Variants in FAM76A observed in about 807,000 individuals in gnomAD.
FAM76A encodes the protein family with sequence similarity 76 member A.
In FAM76A, 32 loss-of-function variants were observed where a neutral mutation model predicts 46.2. That is an observed-to-expected ratio of 0.69 (90% CI 0.52 to 0.93). FAM76A has a LOEUF of 0.93. Among genes scored for constraint, FAM76A ranks in the 40% least tolerant of loss-of-function variants. The pLI, the probability that FAM76A is intolerant of heterozygous loss-of-function variation, is 0.00. For synonymous variants in FAM76A, 137 were observed against 127.0 expected, an observed-to-expected ratio of 1.08 and a Z score of -0.53; for missense variants, 274 against 361.5, an observed-to-expected ratio of 0.76 and a Z score of 1.96.
At chr1:27,738,217 C>T (rs376199641) in intron 4 of FAM76A, among the ~76,000 whole-genome samples, 27 of 152,016 alleles carry the variant, frequency 1.8e-4, no homozygotes, top group South Asian at 1.5e-3. Flanking sequence ...ATAGGCCAGG[C>T]GTAGTGGCTC....
At chr1:27,737,426 C>T (rs1461032021) in intron 4 of FAM76A, among the ~76,000 whole-genome samples, 1 of 152,128 alleles carries the variant, frequency 6.6e-6, no homozygotes, top group African/African-American at 2.4e-5. Flanking sequence ...TAAAATTATG[C>T]CTTAAATGCC....
Position 27,759,628 on chromosome 1 carries a change from G to A in FAM76A, c.837+1G>A, listed in dbSNP as rs145344355. The A allele has an allele frequency of 6.2e-7, 1 of 1,608,320 alleles. No homozygotes were observed. The highest frequency in any genetic ancestry group is 8.5e-7 in the Non-Finnish European group (1 of 1,175,464). ...CAAAGAAGTCACAGAACAACTGCAG[G>A]TGACTGACTCTGCTTATTTTATGTG... On this transcript the variant is annotated splice_donor_variant, in intron 8 of 8. Transcript: ENST00000373954. LOFTEE classifies it high-confidence loss of function.
At chr1:27,748,737 T>C (rs1557784274) in intron 5 of FAM76A, among the ~76,000 whole-genome samples, 1 of 152,072 alleles carries the variant, frequency 6.6e-6, no homozygotes. Context: ...TGCCTCAGCC[T>C]CCCAAAGTGC....
intron 6 of FAM76A, among the ~76,000 whole-genome samples, chr1:27,752,897 C>A (rs1027732237): frequency 2.0e-5 from 3 of 152,170 alleles, no homozygotes; most frequent in African/African-American, 7.2e-5. Flanking sequence ...CGGTGGCTCA[C>A]GCCTGTAATC....
At chr1:27,728,476 C>A (rs566441069) in intron 2 of FAM76A, among the ~76,000 whole-genome samples, 7 of 151,646 alleles carry the variant, frequency 4.6e-5, no homozygotes, top group African/African-American at 9.7e-5. Context: ...CCTCAGCCTA[C>A]CAAGTAACTG....
intron 5 of FAM76A, among the ~76,000 whole-genome samples, chr1:27,747,137 G>A (rs191556165): frequency 5.9e-5 from 9 of 152,278 alleles, no homozygotes; most frequent in Non-Finnish European, 8.8e-5. Flanking sequence ...ATTTAATTCA[G>A]TAGGACCTAG....
chr1:27,756,722 T>C (rs80065367), intron 7 of FAM76A, among the ~76,000 whole-genome samples: 4,339 of 152,194 alleles, frequency 0.029, 224 homozygotes, highest in East Asian at 0.25. Context: ...ACATTCTTAC[T>C]CTGATTCATG....
In FAM76A at chr1:27,759,875, C is replaced by G. The variant is rs76916586; in HGVS notation, c.837+248C>G. 3 of 553,734 alleles carry G rather than the reference C, an allele frequency of 5.4e-6. No individual in the cohort carries two copies. The East Asian group carries it at 1.3e-4, about 23-fold the overall frequency. 34.3% of individuals were successfully genotyped at this position (553,734 alleles called of 1,614,324 possible). A position where few individuals can be genotyped will look rare whatever the true frequency, so the allele number is the denominator to read the frequency against. ...CTCAACCTCCCAGGCTCAGGTGATC[C>G]TCCCACCTCACCCTTCCAAGTAGCG... On this transcript the variant is annotated intron_variant, in intron 8 of 8. Coordinates refer to ENST00000373954, the MANE Select transcript of FAM76A (RefSeq NM_152660.3).
intron 5 of FAM76A, among the ~76,000 whole-genome samples, chr1:27,748,026 G>T (rs1441525819): frequency 1.3e-5 from 2 of 151,594 alleles, no homozygotes; most frequent in Non-Finnish European, 2.9e-5. Flanking sequence ...TGGTAGATAA[G>T]TTGATCTTGA....
chr1:27,753,841 G>C (rs1430611269), intron 6 of FAM76A, among the ~76,000 whole-genome samples: 2 of 152,158 alleles, frequency 1.3e-5, no homozygotes, highest in Non-Finnish European at 2.9e-5. Flanking sequence ...GAGTATTCCA[G>C]TGTCTGCTTA....
rs1219801894 is a variant in FAM76A, at chr1:27,761,775, A to G, written c.*1194A>G. 6 of 152,116 alleles carry G rather than the reference A, an allele frequency of 3.9e-5. No individual in the cohort carries two copies. Among genetic ancestry groups the G allele is most frequent in the Admixed American group, 3.3e-4 (5 of 15,240 alleles). The allele number at this position is 152,116 out of a possible 1,614,324, so 9.4% of individuals were successfully genotyped here. Reference sequence around the variant, plus strand: ...TTAGGAGTTTGAGACCATCCTGGCCAACATGGTAAAACCCCATCTGTACTA... The same window carrying G: ...TTAGGAGTTTGAGACCATCCTGGCCGACATGGTAAAACCCCATCTGTACTA... On this transcript the variant is annotated 3_prime_UTR_variant, in exon 9 of 9. Transcript: ENST00000373954.
At chr1:27,749,210 A>T in intron 6 of FAM76A, 56 bp downstream of exon 6, 1 of 1,199,494 alleles carries the variant, frequency 8.3e-7, no homozygotes, top group Non-Finnish European at 1.2e-6. Context: ...ACAGTTCCTG[A>T]AACAGGAATA....
At position 27,744,791 on chromosome 1, in the gene FAM76A, T is replaced by C; in HGVS notation, c.492T>C (p.Ser164=). 1.9e-6 allele frequency: 3 copies of C among 1,614,038 alleles called. No homozygotes were observed. Among genetic ancestry groups the C allele is most frequent in the Non-Finnish European group, 2.5e-6 (3 of 1,179,982 alleles). The change falls in exon 5 of 9, where the codon AGT becomes AGC. Residue 164 remains serine, a synonymous_variant. Coordinates refer to ENST00000373954, the MANE Select transcript of FAM76A (RefSeq NM_152660.3). ...HQEKEQYSRL[S]GGGHYNSQKT... Reference sequence around the variant, plus strand: ...AGAAGGAGCAGTATAGTCGCCTGAGTGGTGGTGGCCATTATAACAGGTAAC... The same window carrying C: ...AGAAGGAGCAGTATAGTCGCCTGAGCGGTGGTGGCCATTATAACAGGTAAC...
At chr1:27,733,928 T>C (rs1571470246) in intron 3 of FAM76A, 103 bp from the exon 4 acceptor site, 1 of 1,124,764 alleles carries the variant, frequency 8.9e-7, no homozygotes, top group East Asian at 2.6e-5. Flanking sequence ...GCAATACATT[T>C]GTACCATGAC....
intron 2 of FAM76A, among the ~76,000 whole-genome samples, chr1:27,728,475 A>G (rs758623310): frequency 1.5e-3 from 221 of 151,400 alleles, no homozygotes; most frequent in Non-Finnish European, 7.4e-4. Flanking sequence ...ACCTCAGCCT[A>G]CCAAGTAACT....
intron 2 of FAM76A, among the ~76,000 whole-genome samples, chr1:27,730,822 T>TTG (rs1051985788): frequency 1.2e-4 from 18 of 152,122 alleles, no homozygotes; most frequent in African/African-American, 2.4e-4. Flanking sequence ...GACTAGTTTT[T>TTG]TGTGTGTGTG....
Position 27,761,067 on chromosome 1 carries a change from T to C in FAM76A, c.*486T>C, listed in dbSNP as rs2088502357. 1 of 151,864 alleles carries C rather than the reference T, an allele frequency of 6.6e-6. No homozygotes were observed. The highest frequency in any genetic ancestry group is 2.4e-5 in the African/African-American group (1 of 41,236). The allele number at this position is 151,864 out of a possible 1,614,324, so 9.4% of individuals were successfully genotyped here. On this transcript the variant is annotated 3_prime_UTR_variant, in exon 9 of 9. Transcript: ENST00000373954. ...TGAAAACTGCCATCTTCAGACTTGG[T>C]ATAATGGAAGAGGCTTTCTCTCTCC...
intron 8 of FAM76A, 44 bp from the exon 9 acceptor site, chr1:27,760,451 C>G (rs1392126790): frequency 1.3e-6 from 2 of 1,510,184 alleles, no homozygotes; most frequent in Non-Finnish European, 1.8e-6. Context: ...TAGCTTATAT[C>G]CTGTTTGAAA....
At chr1:27,728,709 C>T (rs962385996) in intron 2 of FAM76A, among the ~76,000 whole-genome samples, 3 of 152,076 alleles carry the variant, frequency 2.0e-5, no homozygotes, top group Non-Finnish European at 4.4e-5. Flanking sequence ...TGCCTGTAAA[C>T]CCAACACTTT....
Sources: allele counts gnomAD v4.1 joint callset (sites outside exome capture counted in the v4.1 genomes callset), GRCh38; gene constraint gnomAD v4.1.1; transcripts MANE v1.5; gene names NCBI Gene and HGNC (gene_info 2026-07-23, HGNC 2026-07-21).